Variants in KLF12 observed in about 807,000 individuals in gnomAD.
The protein encoded by KLF12 is Krueppel-like factor 12.
A neutral mutation model predicts 37.8 loss-of-function variants in KLF12; 9 were observed. That is an observed-to-expected ratio of 0.24 (90% CI 0.14 to 0.42). The LOEUF is 0.42. Ranked by LOEUF, KLF12 falls within the 10% of genes least tolerant of loss-of-function variation. KLF12 has a pLI of 1.00. For synonymous variants in KLF12, 208 were observed against 202.1 expected (o/e 1.03, Z -0.25); for missense variants, 411 against 516.0 (o/e 0.80, Z 1.97).
At chr13:73,936,213 A>T (rs1427812335) in intron 3 of KLF12, among the ~76,000 whole-genome samples, 2 of 152,090 alleles carry the variant, frequency 1.3e-5, no homozygotes, top group Admixed American at 1.3e-4. Flanking sequence ...TCAGCACTAG[A>T]TCGTGTATTC....
At chr13:74,135,300 T>C (rs1324473314), upstream of KLF12, among the ~76,000 whole-genome samples, 1 of 151,524 alleles carries the variant, frequency 6.6e-6, no homozygotes, top group Admixed American at 6.5e-5. Context: ...AAGCGGGATC[T>C]GCAGACCCCC....
chr13:74,067,062 C>T (rs1873960201), intron 1 of KLF12, among the ~76,000 whole-genome samples: 1 of 152,068 alleles, frequency 6.6e-6, no homozygotes, highest in Admixed American at 6.6e-5. Flanking sequence ...AAATTAAAGC[C>T]CTCCTACCAA....
the KLF12 span, among the ~76,000 whole-genome samples, chr13:74,197,602 T>C: frequency 0.71 from 108,271 of 152,036 alleles, 38,956 homozygotes; most frequent in East Asian, 0.87. Context: ...ATATACAAAA[T>C]ATGGGAACTC....
At chr13:73,951,684 TGCCCTGACCTACAGC>T (rs1890652934) in intron 2 of KLF12, among the ~76,000 whole-genome samples, 1 of 152,226 alleles carries the variant, frequency 6.6e-6, no homozygotes, top group African/African-American at 2.4e-5. Flanking sequence ...CTAAAGTTCT[TGCCCTGACCTACAGC>T]AGGTGCCTCT....
At chr13:74,151,165 G>A in the KLF12 span, among the ~76,000 whole-genome samples, 1 of 152,182 alleles carries the variant, frequency 6.6e-6, no homozygotes, top group African/African-American at 2.4e-5. Flanking sequence ...TAGAGAATTT[G>A]CCTTAGAGCA....
chr13:73,814,475 C>T (rs889411578), intron 4 of KLF12, among the ~76,000 whole-genome samples: 21 of 152,152 alleles, frequency 1.4e-4, no homozygotes, highest in African/African-American at 5.1e-4. Context: ...AAAACTATAC[C>T]TAGACGGTTT....
At chr13:73,950,974 G>A (rs979376796) in intron 2 of KLF12, among the ~76,000 whole-genome samples, 3 of 152,304 alleles carry the variant, frequency 2.0e-5, no homozygotes, top group East Asian at 3.9e-4. Flanking sequence ...AGTCCATGAT[G>A]CCAGGCCTCC....
intron 1 of KLF12, among the ~76,000 whole-genome samples, chr13:74,117,239 G>A (rs896470629): frequency 5.9e-5 from 9 of 152,164 alleles, no homozygotes; most frequent in African/African-American, 2.2e-4. Context: ...AGGATTGGCT[G>A]ATTTGGTAGC....
the KLF12 span, chr13:74,258,051 G>A: frequency 6.6e-6 from 1 of 152,026 alleles, no homozygotes; most frequent in East Asian, 1.9e-4. Flanking sequence ...GTGGCAGGAG[G>A]ACAAGTTTTT....
chr13:73,776,212 A>C (rs1375462581), intron 5 of KLF12, among the ~76,000 whole-genome samples: 1 of 152,206 alleles, frequency 6.6e-6, no homozygotes, highest in East Asian at 1.9e-4. Context: ...ACACCAAATA[A>C]ATCAAAAGGA....
chr13:73,704,549 T>C (rs1182197768), intron 7 of KLF12, among the ~76,000 whole-genome samples: 2 of 152,322 alleles, frequency 1.3e-5, no homozygotes, highest in Non-Finnish European at 2.9e-5. Context: ...GTGGTCTACC[T>C]TGCTTTAGGT....
chr13:74,085,518 A>G (rs775036568), intron 1 of KLF12, among the ~76,000 whole-genome samples: 37 of 152,338 alleles, frequency 2.4e-4, no homozygotes, highest in Non-Finnish European at 1.2e-4. Context: ...TCCTTGAGGT[A>G]GCTGCTGTTA....
intron 1 of KLF12, among the ~76,000 whole-genome samples, chr13:73,999,477 T>C (rs1892212125): frequency 6.6e-6 from 1 of 152,048 alleles, no homozygotes; most frequent in African/African-American, 2.4e-5. Flanking sequence ...CTCACGCCTG[T>C]AATCCTAGTA....
At chr13:73,937,727 T>C (rs1890013103) in intron 3 of KLF12, among the ~76,000 whole-genome samples, 1 of 152,240 alleles carries the variant, frequency 6.6e-6, no homozygotes, top group African/African-American at 2.4e-5. Flanking sequence ...TTTGTCTGCC[T>C]GCTATATTTC....
chr13:74,213,370 T>C, the KLF12 span, among the ~76,000 whole-genome samples: 7 of 152,330 alleles, frequency 4.6e-5, no homozygotes, highest in South Asian at 8.3e-4. Context: ...CAGTGGTTGC[T>C]GTAGACTTCA....
At chr13:73,996,577 C>G (rs1038644453) in intron 1 of KLF12, among the ~76,000 whole-genome samples, 3 of 152,212 alleles carry the variant, frequency 2.0e-5, no homozygotes, top group Middle Eastern at 3.2e-3. Flanking sequence ...ATTCATAATA[C>G]TCCACTGAGG....
chr13:74,205,971 G>A, the KLF12 span, among the ~76,000 whole-genome samples: 1 of 152,112 alleles, frequency 6.6e-6, no homozygotes, highest in Non-Finnish European at 1.5e-5. Context: ...GTCTGACACA[G>A]AGATGACAAG....
At chr13:73,793,159 C>A (rs1306835673) in intron 5 of KLF12, among the ~76,000 whole-genome samples, 1 of 152,190 alleles carries the variant, frequency 6.6e-6, no homozygotes, top group African/African-American at 2.4e-5. Flanking sequence ...GGTTTTATTA[C>A]ATTACAGGCA....
intron 4 of KLF12, among the ~76,000 whole-genome samples, chr13:73,837,311 C>T (rs946567712): frequency 1.3e-5 from 2 of 152,118 alleles, no homozygotes; most frequent in Admixed American, 6.6e-5. Flanking sequence ...TTATTATCAT[C>T]GAATCTTAGA....
Sources: allele counts gnomAD v4.1 joint callset (sites outside exome capture counted in the v4.1 genomes callset), GRCh38; gene constraint gnomAD v4.1.1; transcripts MANE v1.5; gene names NCBI Gene and HGNC (gene_info 2026-07-23, HGNC 2026-07-21).